MIR2052HG: variants seen among roughly 807,000 people sequenced by gnomAD.
MIR2052HG encodes the protein MIR2052 host gene.
At chr8:74,744,660 A>AT (rs1436856176) in intron 4 of MIR2052HG, among the ~76,000 whole-genome samples, 4 of 151,894 alleles carry the variant, frequency 2.6e-5, no homozygotes, top group Non-Finnish European at 5.9e-5. Context: ...TGAACTCATC[A>AT]TTTTTTCTGG....
chr8:74,651,229 G>A (rs1181719540), intron 2 of MIR2052HG, among the ~76,000 whole-genome samples: 1 of 151,264 alleles, frequency 6.6e-6, no homozygotes, highest in African/African-American at 2.4e-5. Flanking sequence ...TTATTTTAAT[G>A]ATGTCTGTTA....
At chr8:74,713,083 A>G (rs1809486367) in intron 4 of MIR2052HG, among the ~76,000 whole-genome samples, 1 of 152,226 alleles carries the variant, frequency 6.6e-6, no homozygotes, top group Non-Finnish European at 1.5e-5. Flanking sequence ...TGTTGAGGTT[A>G]GATGTTAGTC....
chr8:74,732,689 A>C (rs1275056750), intron 4 of MIR2052HG, among the ~76,000 whole-genome samples: 4 of 152,216 alleles, frequency 2.6e-5, no homozygotes, highest in Admixed American at 2.0e-4. Flanking sequence ...CTCTGAGTAG[A>C]TGAAGTTTAT....
At chr8:74,734,508 T>A (rs1403495280) in intron 4 of MIR2052HG, among the ~76,000 whole-genome samples, 1 of 152,176 alleles carries the variant, frequency 6.6e-6, no homozygotes, top group East Asian at 1.9e-4. Context: ...ATATCCAAGA[T>A]CAGATCTGGC....
At chr8:74,648,219 C>T (rs1430401999) in intron 2 of MIR2052HG, among the ~76,000 whole-genome samples, 1 of 152,116 alleles carries the variant, frequency 6.6e-6, no homozygotes, top group East Asian at 1.9e-4. Context: ...GTAAGGAATG[C>T]ATTCCTGGGG....
At chr8:74,612,361 T>A (rs1442234393) in intron 1 of MIR2052HG, 1 of 157,224 alleles carries the variant, frequency 6.4e-6, no homozygotes, top group African/African-American at 2.4e-5. Flanking sequence ...GCATTTCTCA[T>A]ATCTTCACTT....
chr8:74,704,310 T>A (rs1024012015), intron 4 of MIR2052HG, among the ~76,000 whole-genome samples: 8 of 152,010 alleles, frequency 5.3e-5, no homozygotes, highest in Admixed American at 1.3e-4. Context: ...GGACAGTGCA[T>A]CTTGAGGAAG....
intron 2 of MIR2052HG, among the ~76,000 whole-genome samples, chr8:74,693,729 A>G (rs1809266777): frequency 1.3e-5 from 2 of 151,978 alleles, no homozygotes; most frequent in African/African-American, 4.8e-5. Flanking sequence ...TGACACAGCG[A>G]GGGTGTCATA....
At chr8:74,691,429 G>C (rs988429702) in intron 2 of MIR2052HG, among the ~76,000 whole-genome samples, 8 of 152,166 alleles carry the variant, frequency 5.3e-5, no homozygotes, top group Admixed American at 4.6e-4. Context: ...ACTGAATTGA[G>C]GTAATTTGGC....
intron 2 of MIR2052HG, among the ~76,000 whole-genome samples, chr8:74,656,178 C>T (rs926608058): frequency 1.2e-4 from 19 of 152,082 alleles, no homozygotes; most frequent in Admixed American, 6.5e-5. Context: ...GCAGAAGCGA[C>T]CTGCCTTGTC....
chr8:74,689,936 G>A (rs1386884267), intron 2 of MIR2052HG, among the ~76,000 whole-genome samples: 6 of 152,136 alleles, frequency 3.9e-5, no homozygotes, highest in African/African-American at 2.4e-5. Context: ...AAGAATTAAA[G>A]AGCCTTCACT....
intron 2 of MIR2052HG, among the ~76,000 whole-genome samples, chr8:74,684,741 A>G (rs1809161908): frequency 6.6e-6 from 1 of 152,176 alleles, no homozygotes; most frequent in African/African-American, 2.4e-5. Flanking sequence ...GTAGAAATCA[A>G]TAGATTTCCT....
At chr8:74,683,750 C>T (rs1809150156) in intron 2 of MIR2052HG, among the ~76,000 whole-genome samples, 1 of 152,046 alleles carries the variant, frequency 6.6e-6, no homozygotes, top group African/African-American at 2.4e-5. Context: ...TCAATTTTAT[C>T]TTTACCTAGA....
intron 2 of MIR2052HG, among the ~76,000 whole-genome samples, chr8:74,626,747 A>G (rs1808441753): frequency 1.3e-5 from 2 of 152,138 alleles, no homozygotes; most frequent in Non-Finnish European, 2.9e-5. Context: ...GGCCAAGGTG[A>G]AAGTCCCCAT....
chr8:74,606,162 G>A (rs999006526), intron 1 of MIR2052HG, among the ~76,000 whole-genome samples: 1 of 152,160 alleles, frequency 6.6e-6, no homozygotes, highest in Non-Finnish European at 1.5e-5. Context: ...TGATAGACGC[G>A]GGGCTTTGGG....
intron 2 of MIR2052HG, among the ~76,000 whole-genome samples, chr8:74,673,910 T>TACACAC (rs1554575314): frequency 5.3e-5 from 7 of 133,214 alleles, no homozygotes; most frequent in African/African-American, 1.7e-4. Flanking sequence ...TATATATATA[T>TACACAC]ACACACACAA....
intron 2 of MIR2052HG, among the ~76,000 whole-genome samples, chr8:74,636,845 A>G (rs1002383558): frequency 5.9e-5 from 9 of 152,110 alleles, no homozygotes; most frequent in Middle Eastern, 3.2e-3. Context: ...TTCAGAATTT[A>G]TTGTGATAAA....
rs1311120302 is a variant in MIR2052HG at position 74,615,554 on chromosome 8, C to T, written n.216+2614C>T. Reference sequence around the variant, plus strand: ...AATTTACATTTTCCCTGATAACTAGCTCTGCATTTCAGTTTCTCAGTGTGA... The same window carrying T: ...AATTTACATTTTCCCTGATAACTAGTTCTGCATTTCAGTTTCTCAGTGTGA... On this transcript the variant is annotated intron_variant and non_coding_transcript_variant, in intron 2 of 6. Coordinates refer to ENST00000523442, the Ensembl canonical transcript of MIR2052HG. 4.6e-5 allele frequency among the ~76,000 whole-genome samples: 7 copies of T among 151,950 alleles called. No homozygotes were observed. The East Asian group carries it at 1.2e-3, about 25-fold the overall frequency.
intron 2 of MIR2052HG, chr8:74,632,532 G>A (rs939724727): frequency 3.9e-5 from 6 of 152,004 alleles, no homozygotes; most frequent in African/African-American, 1.5e-4. Flanking sequence ...CTTACTTAGG[G>A]AGAAAAAAGT....
Sources: gnomAD v4.1 joint callset for allele counts (sites outside exome capture counted in the v4.1 genomes callset) on GRCh38, gnomAD v4.1.1 for gene constraint, MANE v1.5 for transcripts, NCBI Gene and HGNC (gene_info 2026-07-23, HGNC 2026-07-21) for gene names.